The following GUCY1A1 variants were observed in gnomAD, a reference collection of about 807,000 sequenced individuals.
The protein encoded by GUCY1A1 is guanylate cyclase soluble subunit alpha-1.
In GUCY1A1, 48 loss-of-function variants were observed where a neutral mutation model predicts 64.5. That is an observed-to-expected ratio of 0.74 (90% CI 0.59 to 0.95). The LOEUF (loss-of-function observed/expected upper bound fraction) is 0.95, where lower values mean the gene tolerates loss of function less well. Ranked by LOEUF, GUCY1A1 falls within the 40% of genes least tolerant of loss-of-function variation. The pLI, the probability that GUCY1A1 is intolerant of heterozygous loss-of-function variation, is 0.00. For synonymous variants in GUCY1A1, 308 were observed against 303.4 expected, an observed-to-expected ratio of 1.02 and a Z score of -0.16; for missense variants, 804 against 825.3, an observed-to-expected ratio of 0.97 and a Z score of 0.32.
At chr4:155,715,429 G>A (rs1480042352) in intron 7 of GUCY1A1, among the ~76,000 whole-genome samples, 1 of 152,056 alleles carries the variant, frequency 6.6e-6, no homozygotes. Context: ...CATTGTTTCA[G>A]CGAATATGTA....
At chr4:155,696,723 C>T (rs146567583) in intron 2 of GUCY1A1, 33 bp from the exon 3 acceptor site, 14 of 652,310 alleles carry the variant, frequency 2.1e-5, no homozygotes, top group African/African-American at 1.6e-4. Context: ...TAAAGTCACT[C>T]CTCTTTCTGT....
intron 2 of GUCY1A1, among the ~76,000 whole-genome samples, chr4:155,673,969 A>G (rs1332136610): frequency 1.3e-5 from 2 of 151,616 alleles, no homozygotes; most frequent in East Asian, 3.9e-4. Context: ...TTATACTGAT[A>G]CTTGTGGAGA....
Position 155,717,207 on chromosome 4 carries a change from G to A in GUCY1A1, c.1621G>A (p.Glu541Lys), listed in dbSNP as rs376656213. 31 of 1,572,890 alleles carry A rather than the reference G, an allele frequency of 2.0e-5. No homozygotes were observed. The African/African-American group carries it at 3.4e-4, about 17-fold the overall frequency. The change falls in exon 8 of 10, where the codon GAG becomes AAG. Residue 541 changes from glutamate (E) to lysine (K), a missense_variant. Coordinates refer to ENST00000506455, the MANE Select transcript of GUCY1A1 (RefSeq NM_001130682.3). ...AYCVAGGLHK[E>K]SDTHAVQIAL... ...TTGTGTAGCTGGGGGATTACACAAA[G>A]AGAGTGATACTCATGCTGTTCAGAT... is the stretch of plus-strand genomic sequence containing the variant.
chr4:155,722,808 G>T (rs1217149569), intron 9 of GUCY1A1, among the ~76,000 whole-genome samples: 1 of 152,132 alleles, frequency 6.6e-6, no homozygotes, highest in Non-Finnish European at 1.5e-5. Flanking sequence ...TAAGGTTTGG[G>T]AGGGTCCCAA....
intron 2 of GUCY1A1, among the ~76,000 whole-genome samples, chr4:155,689,248 T>C (rs1313649193): frequency 1.3e-5 from 2 of 152,088 alleles, no homozygotes; most frequent in Non-Finnish European, 2.9e-5. Flanking sequence ...TTTCAGTAAG[T>C]ATATTTTAAA....
rs999973521 is a variant in GUCY1A1, at chr4:155,666,957, C to G, written c.-195C>G. The G allele has an allele frequency of 6.6e-6, 1 of 152,438 alleles. No individual in the cohort carries two copies. Among genetic ancestry groups the G allele is most frequent in the Non-Finnish European group, 1.5e-5 (1 of 68,294 alleles). 9.4% of individuals were successfully genotyped at this position (152,438 alleles called of 1,614,324 possible). A position where few individuals can be genotyped will look rare whatever the true frequency, so the allele number is the denominator to read the frequency against. ...CTTAGAGACCCCAGCCGGGCGTGATCTCACCATGGTGCGTTTTGGCTGCTA... is the reference window on the plus strand; with the variant it reads ...CTTAGAGACCCCAGCCGGGCGTGATGTCACCATGGTGCGTTTTGGCTGCTA... On this transcript the variant is annotated 5_prime_UTR_variant, in exon 1 of 10. The change creates a new upstream start codon in the 5' untranslated region. Transcript: ENST00000506455.
chr4:155,731,705 A>T lies in GUCY1A1; in HGVS notation c.*1474A>T, dbSNP rs1438189922. On this transcript the variant is annotated 3_prime_UTR_variant, in exon 10 of 10. Transcript: ENST00000506455. ...AAAATCAATATTAGCAGAGCCATAG[A>T]TAGGCTGAGCTCTTATTTGGGGTTC... 4 of 151,828 alleles carry T rather than the reference A, an allele frequency of 2.6e-5. No homozygotes were observed. Among genetic ancestry groups the T allele is most frequent in the Non-Finnish European group, 5.9e-5 (4 of 67,850 alleles). The allele number at this position is 151,828 out of a possible 1,614,324, so 9.4% of individuals were successfully genotyped here. A position where few individuals can be genotyped will look rare whatever the true frequency, so the allele number is the denominator to read the frequency against.
chr4:155,685,453 C>G (rs1728852634), intron 2 of GUCY1A1, among the ~76,000 whole-genome samples: 1 of 152,074 alleles, frequency 6.6e-6, no homozygotes. Flanking sequence ...AAATTTAGGT[C>G]TCATATAATG....
intron 2 of GUCY1A1, among the ~76,000 whole-genome samples, chr4:155,672,059 C>CT (rs1734220333): frequency 6.8e-6 from 1 of 146,730 alleles, no homozygotes. Context: ...AATTATGTAT[C>CT]TTTTTTGCAC....
chr4:155,713,518 A>G lies in GUCY1A1; in HGVS notation c.1507A>G (p.Ile503Val). ...CTCCCAGTGCTCACCGCTGCAGGTCATCACCATGCTCAATGCACTGTACAC... is the reference window on the plus strand; with the variant it reads ...CTCCCAGTGCTCACCGCTGCAGGTCGTCACCATGCTCAATGCACTGTACAC... ...ICSQCSPLQVITMLNALYTRF... is the reference protein window; with the variant it reads ...ICSQCSPLQVVTMLNALYTRF... The change falls in exon 7 of 10, where the codon ATC (isoleucine) becomes GTC (valine). Residue 503 changes from isoleucine (I) to valine (V), a missense_variant. Transcript: ENST00000506455. 3 of 1,614,116 alleles carry G rather than the reference A, an allele frequency of 1.9e-6. No homozygotes were observed. Among genetic ancestry groups the G allele is most frequent in the Non-Finnish European group, 2.5e-6 (3 of 1,179,966 alleles).
chr4:155,680,922 T>TAC (rs10591570), intron 2 of GUCY1A1, among the ~76,000 whole-genome samples: 32,253 of 148,190 alleles, frequency 0.22, 3,511 homozygotes, highest in Middle Eastern at 0.29. Context: ...GTCGATTGGA[T>TAC]ACACACACAC....
intron 4 of GUCY1A1, among the ~76,000 whole-genome samples, chr4:155,704,460 A>T (rs1010336692): frequency 6.6e-6 from 1 of 152,034 alleles, no homozygotes; most frequent in Non-Finnish European, 1.5e-5. Flanking sequence ...CCCATCCCCA[A>T]CACACATCTC....
chr4:155,688,203 G>A (rs1258106672), intron 2 of GUCY1A1, among the ~76,000 whole-genome samples: 2 of 151,876 alleles, frequency 1.3e-5, no homozygotes, highest in African/African-American at 2.4e-5. Flanking sequence ...ACTCCAGCCT[G>A]GGCGACAGAG....
chr4:155,694,998 C>T (rs1280041124), intron 2 of GUCY1A1, among the ~76,000 whole-genome samples: 6 of 152,146 alleles, frequency 3.9e-5, no homozygotes, highest in African/African-American at 9.7e-5. Context: ...TGAGGTAGAC[C>T]GCTTCCATTC....
chr4:155,722,299 G>A (rs943662809), intron 9 of GUCY1A1, 107 bp downstream of exon 9: 61 of 1,473,854 alleles, frequency 4.1e-5, no homozygotes, highest in African/African-American at 2.9e-4. Context: ...TTCCTTAGTC[G>A]TAAGGAAAAA....
intron 9 of GUCY1A1, among the ~76,000 whole-genome samples, chr4:155,728,531 T>A (rs1560971852): frequency 6.6e-6 from 1 of 152,026 alleles, no homozygotes; most frequent in South Asian, 2.1e-4. Context: ...TCTTTATACA[T>A]ATGTCTTTAG....
chr4:155,732,603 GA>G lies in GUCY1A1; in HGVS notation c.*2373del, dbSNP rs1735676678. ...GACCACTGATGGTAGCCAGAGTAGA[GA>G]CCCTGGAGCATAGATTCTTAAAATA... On this transcript the variant is annotated 3_prime_UTR_variant, in exon 10 of 10. Transcript: ENST00000506455. Among the ~76,000 whole-genome samples, 1 of 151,900 alleles carries G rather than the reference GA, an allele frequency of 6.6e-6. No homozygotes were observed. The highest frequency in any genetic ancestry group is 2.4e-5 in the African/African-American group (1 of 41,398).
intron 2 of GUCY1A1, among the ~76,000 whole-genome samples, chr4:155,689,583 T>C (rs2126680403): frequency 1.3e-5 from 2 of 152,322 alleles, no homozygotes; most frequent in Middle Eastern, 6.8e-3. Flanking sequence ...AAATGTGAAT[T>C]TGAATACTTA....
Position 155,736,640 on chromosome 4 carries a change from T to C in GUCY1A1, c.*6409T>C, listed in dbSNP as rs1404352433. The C allele has an allele frequency of 1.3e-5, 2 of 151,926 alleles. No homozygotes were observed. Among genetic ancestry groups the C allele is most frequent in the African/African-American group, 4.8e-5 (2 of 41,394 alleles). The allele number at this position is 151,926 out of a possible 1,614,324, so 9.4% of individuals were successfully genotyped here. On this transcript the variant is annotated 3_prime_UTR_variant, in exon 10 of 10. Transcript: ENST00000506455. ...TTGATTTTTGAGGAATAAAAGGAGT[T>C]AGTTTTTTGGTCCTGATGTGTAAAA...
Sources: gnomAD v4.1 joint callset for allele counts (sites outside exome capture counted in the v4.1 genomes callset) on GRCh38, gnomAD v4.1.1 for gene constraint, MANE v1.5 for transcripts, NCBI Gene and HGNC (gene_info 2026-07-23, HGNC 2026-07-21) for gene names.